AP1S3: variants seen among roughly 807,000 people sequenced by gnomAD.
The protein encoded by AP1S3 is adaptor related protein complex 1 subunit sigma 3.
In AP1S3, 10 loss-of-function variants were observed where a neutral mutation model predicts 20.9. The ratio of observed to expected loss-of-function variants is 0.48; its 90% CI spans 0.29 to 0.81. AP1S3 has a LOEUF of 0.81. Ranked by LOEUF, AP1S3 falls within the 30% of genes least tolerant of loss-of-function variation. The pLI is 0.08. For synonymous variants in AP1S3, 41 were observed against 61.5 expected (o/e 0.67, Z 1.56); for missense variants, 154 against 183.8 (o/e 0.84, Z 0.94).
chr2:223,809,096 T>G (rs975510062), intron 1 of AP1S3, among the ~76,000 whole-genome samples: 2 of 152,214 alleles, frequency 1.3e-5, no homozygotes, highest in Admixed American at 6.5e-5. Context: ...AATCTGTTAT[T>G]AATATAATAG....
intron 1 of AP1S3, among the ~76,000 whole-genome samples, chr2:223,832,962 G>T (rs890117162): frequency 8.6e-5 from 13 of 151,360 alleles, no homozygotes; most frequent in Middle Eastern, 3.4e-3. Flanking sequence ...TTTTTTTTTA[G>T]CATAAATCTA....
chr2:223,833,745 AT>A (rs1270759747), intron 1 of AP1S3, among the ~76,000 whole-genome samples: 1 of 152,218 alleles, frequency 6.6e-6, no homozygotes, highest in African/African-American at 2.4e-5. Context: ...CTTGAAGGTA[AT>A]AACAGAGGAG....
chr2:223,784,802 C>T (rs1691036070), intron 1 of AP1S3, among the ~76,000 whole-genome samples: 1 of 152,030 alleles, frequency 6.6e-6, no homozygotes, highest in Non-Finnish European at 1.5e-5. Flanking sequence ...AGTTCAAGAC[C>T]AGCTTGGGCA....
chr2:223,837,208 T>TG (rs896448743), intron 1 of AP1S3, among the ~76,000 whole-genome samples: 2 of 151,180 alleles, frequency 1.3e-5, no homozygotes, highest in African/African-American at 4.9e-5. Flanking sequence ...GCGGATCGAA[T>TG]GAATGAATGG....
chr2:223,832,094 A>AG (rs1378963130), intron 1 of AP1S3, among the ~76,000 whole-genome samples: 3 of 150,618 alleles, frequency 2.0e-5, no homozygotes, highest in Non-Finnish European at 3.0e-5. Flanking sequence ...AAAAAATCAA[A>AG]AAAAGGACTT....
intron 4 of AP1S3, chr2:223,764,958 C>T: frequency 4.2e-6 from 2 of 471,028 alleles, no homozygotes; most frequent in Admixed American, 4.0e-5. Context: ...AGGAATTCCA[C>T]ACTTCCTGTG....
chr2:223,779,445 T>A (rs542531661), intron 1 of AP1S3, among the ~76,000 whole-genome samples: 1 of 152,308 alleles, frequency 6.6e-6, no homozygotes, highest in Non-Finnish European at 1.5e-5. Context: ...GAAGTTATGG[T>A]ATATTTAATT....
chr2:223,832,861 A>T (rs1283481670), intron 1 of AP1S3, among the ~76,000 whole-genome samples: 10 of 148,414 alleles, frequency 6.7e-5, no homozygotes, highest in African/African-American at 2.0e-4. Context: ...TCAAACTTAA[A>T]TATCTTCTGA....
intron 2 of AP1S3, 108 bp downstream of exon 2, chr2:223,777,583 T>C: frequency 2.0e-6 from 2 of 1,007,756 alleles, no homozygotes; most frequent in Non-Finnish European, 2.8e-6. Flanking sequence ...GCCCCAGCCT[T>C]CAAAGATTTC....
At chr2:223,808,347 C>T (rs746912007) in intron 1 of AP1S3, among the ~76,000 whole-genome samples, 17 of 152,128 alleles carry the variant, frequency 1.1e-4, no homozygotes, top group South Asian at 2.1e-4. Flanking sequence ...CACTCCTCTG[C>T]GAGGGCCCCT....
chr2:223,815,809 A>G (rs1226015715), intron 1 of AP1S3, among the ~76,000 whole-genome samples: 1 of 152,190 alleles, frequency 6.6e-6, no homozygotes, highest in African/African-American at 2.4e-5. Flanking sequence ...CCACAGGCTA[A>G]TTGATAGAAA....
intron 1 of AP1S3, among the ~76,000 whole-genome samples, chr2:223,832,481 G>A (rs948130557): frequency 6.6e-6 from 1 of 152,046 alleles, no homozygotes; most frequent in South Asian, 2.1e-4. Context: ...GAGCCCTCTT[G>A]GGACAACTGA....
intron 1 of AP1S3, among the ~76,000 whole-genome samples, chr2:223,824,062 G>T (rs561545223): frequency 6.6e-6 from 1 of 152,238 alleles, no homozygotes; most frequent in African/African-American, 2.4e-5. Flanking sequence ...TGTGATCATG[G>T]CTCACTGCAG....
intron 1 of AP1S3, among the ~76,000 whole-genome samples, chr2:223,809,593 G>A (rs1691671287): frequency 1.3e-5 from 2 of 151,960 alleles, no homozygotes; most frequent in East Asian, 2.0e-4. Context: ...GCAGTGAGTC[G>A]AGATCGCGCC....
intron 1 of AP1S3, among the ~76,000 whole-genome samples, chr2:223,809,739 T>A (rs926519932): frequency 5.9e-5 from 9 of 151,614 alleles, no homozygotes; most frequent in African/African-American, 1.9e-4. Context: ...TTTATTTTTT[T>A]TTTTTTTGAG....
intron 1 of AP1S3, among the ~76,000 whole-genome samples, chr2:223,810,524 G>T (rs1458511586): frequency 6.6e-6 from 1 of 152,116 alleles, no homozygotes; most frequent in Non-Finnish European, 1.5e-5. Flanking sequence ...GCCCAGGCTG[G>T]TCTCAAACTC....
chr2:223,827,530 T>A (rs985009518), intron 1 of AP1S3, among the ~76,000 whole-genome samples: 1 of 151,808 alleles, frequency 6.6e-6, no homozygotes, highest in Non-Finnish European at 1.5e-5. Flanking sequence ...TTACAGGGGT[T>A]TGCCACCACA....
intron 3 of AP1S3, among the ~76,000 whole-genome samples, chr2:223,770,726 C>CTTTTTTTTTT (rs1194728092): frequency 1.3e-5 from 1 of 76,628 alleles, no homozygotes. Flanking sequence ...TAGACCAGTT[C>CTTTTTTTTTT]ATTTTTTTTT....
intron 1 of AP1S3, among the ~76,000 whole-genome samples, chr2:223,832,129 T>TTC (rs67077486): frequency 0.015 from 901 of 60,266 alleles, 57 homozygotes; most frequent in African/African-American, 0.047. Flanking sequence ...TAAAGGAGTT[T>TTC]TCTCTCTGTG....
Sources: allele counts gnomAD v4.1 joint callset (sites outside exome capture counted in the v4.1 genomes callset), GRCh38; gene constraint gnomAD v4.1.1; transcripts MANE v1.5; gene names NCBI Gene and HGNC (gene_info 2026-07-23, HGNC 2026-07-21).